PPP6R3: variants seen among roughly 807,000 people sequenced by gnomAD.
PPP6R3 encodes protein phosphatase 6 regulatory subunit 3.
In PPP6R3, 38 loss-of-function variants were observed where a neutral mutation model predicts 110.7. The observed-to-expected ratio is 0.34, with a 90% CI of 0.26 to 0.45. PPP6R3 has a LOEUF of 0.45. Ranked by LOEUF, PPP6R3 falls within the 20% of genes least tolerant of loss-of-function variation. The pLI, the probability that PPP6R3 is intolerant of heterozygous loss-of-function variation, is 1.00. For synonymous variants in PPP6R3, 369 were observed against 373.5 expected (o/e 0.99, Z 0.14); for missense variants, 870 against 1,062.4 (o/e 0.82, Z 2.52).
At chr11:68,596,001 A>G (rs2153899737) in intron 18 of PPP6R3, 96 bp from the exon 19 acceptor site, 1 of 1,484,598 alleles carries the variant, frequency 6.7e-7, no homozygotes, top group South Asian at 1.2e-5. Context: ...CTGAAGCACC[A>G]CAGGACCTTT....
chr11:68,563,104 G>GA (rs58840169), intron 8 of PPP6R3, among the ~76,000 whole-genome samples: 2,061 of 124,140 alleles, frequency 0.017, 19 homozygotes, highest in Non-Finnish European at 0.02. Flanking sequence ...CATCTCTACC[G>GA]AAAAAAAAAA....
At chr11:68,568,673 G>A (rs1020040496) in intron 10 of PPP6R3, among the ~76,000 whole-genome samples, 4 of 152,004 alleles carry the variant, frequency 2.6e-5, no homozygotes, top group Admixed American at 6.6e-5. Flanking sequence ...ACTGTGGACC[G>A]TATTTTTGTG....
chr11:68,510,401 G>A (rs1054352946), intron 1 of PPP6R3, among the ~76,000 whole-genome samples: 2 of 151,958 alleles, frequency 1.3e-5, no homozygotes, highest in African/African-American at 2.4e-5. Flanking sequence ...GCTGTGGCGC[G>A]ACACAGTTTA....
chr11:68,595,652 C>T lies in PPP6R3; in HGVS notation c.1917-445C>T, dbSNP rs545169326. On this transcript the variant is annotated intron_variant, in intron 18 of 23. Coordinates refer to ENST00000393800, the MANE Select transcript of PPP6R3 (RefSeq NM_001164161.2). ...TGCAAATGACACATTAGATAAAAGA[C>T]TTGTGTATAGAGTTAAGAAATCTCT... 3.3e-5 allele frequency among the ~76,000 whole-genome samples: 5 copies of T among 152,260 alleles called. No individual in the cohort carries two copies. In the South Asian group the frequency reaches 8.3e-4, roughly 25 times the overall value.
chr11:68,463,791 C>G (rs2098725482), intron 1 of PPP6R3, among the ~76,000 whole-genome samples: 1 of 152,182 alleles, frequency 6.6e-6, no homozygotes, highest in Non-Finnish European at 1.5e-5. Flanking sequence ...TACTCTAGTT[C>G]AAGAGTTCTC....
At chr11:68,524,174 C>A (rs528087545) in intron 2 of PPP6R3, among the ~76,000 whole-genome samples, 40 of 152,272 alleles carry the variant, frequency 2.6e-4, no homozygotes, top group African/African-American at 7.0e-4. Flanking sequence ...TCTCATGAAG[C>A]CACAGACCTC....
intron 1 of PPP6R3, among the ~76,000 whole-genome samples, chr11:68,509,674 C>G (rs2099097988): frequency 6.7e-6 from 1 of 150,076 alleles, no homozygotes; most frequent in Non-Finnish European, 1.5e-5. Flanking sequence ...TGCTATGGCA[C>G]AATCTTGGCT....
intron 2 of PPP6R3, 64 bp from the exon 3 acceptor site, chr11:68,537,595 T>C (rs1309784662): frequency 1.6e-5 from 18 of 1,123,616 alleles, no homozygotes; most frequent in Non-Finnish European, 2.1e-5. Flanking sequence ...AACTGAAATA[T>C]GAATTATGGA....
rs552732210 is a variant in PPP6R3 at position 68,605,218 on chromosome 11, T to G, written c.2450+1726T>G. Reference sequence around the variant, plus strand: ...AGCTGAGTGTGGTGGTGTGTGCCTGTGGTCCCAGCTACTTGGGGGTGCTGA... The same window carrying G: ...AGCTGAGTGTGGTGGTGTGTGCCTGGGGTCCCAGCTACTTGGGGGTGCTGA... On this transcript the variant is annotated intron_variant, in intron 22 of 23. Coordinates refer to ENST00000393800, the MANE Select transcript of PPP6R3 (RefSeq NM_001164161.2). Among the ~76,000 whole-genome samples, 6 of 152,260 alleles carry G rather than the reference T, an allele frequency of 3.9e-5. 1 individual carries two copies. The South Asian group carries it at 1.2e-3, about 32-fold the overall frequency.
At chr11:68,489,872 C>A (rs1343649155) in intron 1 of PPP6R3, among the ~76,000 whole-genome samples, 1 of 152,008 alleles carries the variant, frequency 6.6e-6, no homozygotes, top group Non-Finnish European at 1.5e-5. Context: ...ATGCCTTTAC[C>A]AGTAATAACA....
chr11:68,478,347 A>G (rs1438100541), intron 1 of PPP6R3, among the ~76,000 whole-genome samples: 1 of 152,192 alleles, frequency 6.6e-6, no homozygotes, highest in Non-Finnish European at 1.5e-5. Context: ...CAAGCAAGTT[A>G]AGAATTTTAA....
At chr11:68,493,183 TC>T (rs2098994248) in intron 1 of PPP6R3, among the ~76,000 whole-genome samples, 1 of 152,230 alleles carries the variant, frequency 6.6e-6, no homozygotes, top group South Asian at 2.1e-4. Context: ...TGAGCCTGAA[TC>T]CTGATACTTC....
intron 22 of PPP6R3, among the ~76,000 whole-genome samples, chr11:68,606,778 T>TA (rs1336843933): frequency 6.6e-6 from 1 of 152,130 alleles, no homozygotes; most frequent in Non-Finnish European, 1.5e-5. Context: ...GAAAAGGAAA[T>TA]AGAGTTATAG....
intron 17 of PPP6R3, among the ~76,000 whole-genome samples, chr11:68,591,048 G>A (rs1424289304): frequency 1.3e-5 from 2 of 152,108 alleles, no homozygotes; most frequent in African/African-American, 2.4e-5. Context: ...CTGGGTCAGG[G>A]CAAGCCCCTC....
At chr11:68,609,574 G>A (rs1942266277) in intron 22 of PPP6R3, 4 of 1,550,424 alleles carry the variant, frequency 2.6e-6, no homozygotes, top group African/African-American at 1.4e-5. Flanking sequence ...TGAAACTCTT[G>A]TACATTTCTT....
Position 68,523,729 on chromosome 11 carries a change from T to C in PPP6R3, c.-7+4078T>C, listed in dbSNP as rs2099178661. Among the ~76,000 whole-genome samples, 3 of 134,314 alleles carry C rather than the reference T, an allele frequency of 2.2e-5. No homozygotes were observed. The South Asian group carries it at 8.5e-4, about 38-fold the overall frequency. The allele number at this position is 134,314 out of a possible 152,430, so 88.1% of individuals were successfully genotyped here. A position where few individuals can be genotyped will look rare whatever the true frequency, so the allele number is the denominator to read the frequency against. ...CCTGCCCCCCCCCCCCCCTTTTTTTTTTCTCTTGGCCAAGAGGTGGGTGAT... is the reference window on the plus strand; with the variant it reads ...CCTGCCCCCCCCCCCCCCTTTTTTTCTTCTCTTGGCCAAGAGGTGGGTGAT... On this transcript the variant is annotated intron_variant, in intron 2 of 23. Transcript: ENST00000393800.
At chr11:68,498,180 A>C (rs993520280) in intron 1 of PPP6R3, among the ~76,000 whole-genome samples, 2 of 152,220 alleles carry the variant, frequency 1.3e-5, no homozygotes, top group African/African-American at 4.8e-5. Flanking sequence ...AGTGGCCAGA[A>C]AAATTACCCC....
chr11:68,569,722 T>TA (rs776968704), intron 10 of PPP6R3, 26 bp from the exon 11 acceptor site: 4 of 1,545,222 alleles, frequency 2.6e-6, no homozygotes. Context: ...GGTAACCGAA[T>TA]AAAACATGGT....
chr11:68,524,317 A>G (rs370395496), intron 2 of PPP6R3, among the ~76,000 whole-genome samples: 46 of 152,270 alleles, frequency 3.0e-4, no homozygotes, highest in African/African-American at 1.1e-3. Context: ...AAAGGTAGTT[A>G]CTTTATCCCT....
Sources: gnomAD v4.1 joint callset for allele counts (sites outside exome capture counted in the v4.1 genomes callset) on GRCh38, gnomAD v4.1.1 for gene constraint, MANE v1.5 for transcripts, NCBI Gene and HGNC (gene_info 2026-07-23, HGNC 2026-07-21) for gene names.